Variants in MCPH1 observed in about 807,000 individuals in gnomAD.
The protein encoded by MCPH1 is microcephalin 1.
In MCPH1, 104 loss-of-function variants were observed where a neutral mutation model predicts 84.5. The ratio of observed to expected loss-of-function variants is 1.23; its 90% CI spans 1.05 to 1.45. The LOEUF (loss-of-function observed/expected upper bound fraction) is 1.45, where lower values mean the gene tolerates loss of function less well. Ranked by LOEUF, MCPH1 falls within the 40% of genes most tolerant of loss-of-function variation. The pLI is 0.00. For missense variants in MCPH1, 1,498 were observed against 1,005.7 expected, an observed-to-expected ratio of 1.49 and a Z score of -6.62; for synonymous variants, 514 against 366.8, an observed-to-expected ratio of 1.40 and a Z score of -4.58.
At chr8:6,494,163 T>C (rs1023302026) in intron 11 of MCPH1, 5 of 152,070 alleles carry the variant, frequency 3.3e-5, no homozygotes, top group Non-Finnish European at 7.4e-5. Flanking sequence ...GGTCTCAAAC[T>C]CCTGACCTCA....
intron 12 of MCPH1, among the ~76,000 whole-genome samples, chr8:6,578,120 G>T (rs551268934): frequency 1.3e-5 from 2 of 152,328 alleles, no homozygotes; most frequent in Admixed American, 6.5e-5. Context: ...CACTGGCATT[G>T]TTTCCCAGAC....
intron 12 of MCPH1, among the ~76,000 whole-genome samples, chr8:6,595,277 A>G (rs1042735961): frequency 3.3e-5 from 5 of 152,176 alleles, no homozygotes; most frequent in Admixed American, 2.0e-4. Flanking sequence ...ACACACAGGA[A>G]TGAGTGAATG....
intron 12 of MCPH1, among the ~76,000 whole-genome samples, chr8:6,520,937 C>T (rs760008507): frequency 1.3e-5 from 2 of 152,170 alleles, no homozygotes; most frequent in Non-Finnish European, 2.9e-5. Context: ...AATGATGGAA[C>T]TAACTAAAAG....
At chr8:6,635,543 C>T (rs1354654678) in intron 13 of MCPH1, 4 of 152,040 alleles carry the variant, frequency 2.6e-5, no homozygotes, top group East Asian at 3.9e-4. Flanking sequence ...TGCAGTGAGC[C>T]GTGATCATGC....
intron 12 of MCPH1, chr8:6,502,865 A>T: frequency 2.0e-6 from 1 of 499,712 alleles, no homozygotes; most frequent in Admixed American, 3.6e-5. Context: ...ATCTTTGCAT[A>T]GGTGTTCTGT....
At chr8:6,507,288 A>T (rs937677012) in intron 12 of MCPH1, among the ~76,000 whole-genome samples, 16 of 152,236 alleles carry the variant, frequency 1.1e-4, no homozygotes, top group African/African-American at 3.9e-4. Context: ...CATGTTGACC[A>T]TAGCTGTTAC....
intron 9 of MCPH1, among the ~76,000 whole-genome samples, chr8:6,470,073 G>T (rs542161008): frequency 2.6e-5 from 4 of 152,016 alleles, no homozygotes; most frequent in Non-Finnish European, 4.4e-5. Context: ...AACAGAAAAG[G>T]GTTGTTTTTC....
intron 5 of MCPH1, among the ~76,000 whole-genome samples, chr8:6,437,253 A>G (rs1802787840): frequency 6.6e-6 from 1 of 151,862 alleles, no homozygotes; most frequent in South Asian, 2.1e-4. Flanking sequence ...TTTTTTTGAG[A>G]TGGAGTCTTT....
At chr8:6,408,594 A>G (rs995480899) in intron 1 of MCPH1, among the ~76,000 whole-genome samples, 2 of 152,080 alleles carry the variant, frequency 1.3e-5, no homozygotes, top group Non-Finnish European at 2.9e-5. Flanking sequence ...CTGGAGTGCA[A>G]TGGTGCGATC....
chr8:6,590,528 C>G (rs2442579), intron 12 of MCPH1, among the ~76,000 whole-genome samples: 1 of 152,074 alleles, frequency 6.6e-6, no homozygotes, highest in Non-Finnish European at 1.5e-5. Context: ...CTGCTGCTAT[C>G]TGGGTTCTGG....
At chr8:6,577,931 G>A (rs1041869562) in intron 12 of MCPH1, among the ~76,000 whole-genome samples, 10 of 152,190 alleles carry the variant, frequency 6.6e-5, no homozygotes, top group Non-Finnish European at 4.4e-5. Context: ...AAACCCTTCC[G>A]AGATGGAGTG....
chr8:6,446,496 AATT>A, intron 8 of MCPH1: 3 of 984,642 alleles, frequency 3.0e-6, no homozygotes, highest in Non-Finnish European at 3.6e-6. Flanking sequence ...GAATGAAAAT[AATT>A]TTATGTTTTT....
Position 6,473,445 on chromosome 8 carries a change from C to A in MCPH1, c.1936-4149C>A, listed in dbSNP as rs146401039. 5.5e-3 allele frequency among the ~76,000 whole-genome samples: 823 copies of A among 150,738 alleles called. 2 individuals carry two copies. The highest frequency in any genetic ancestry group is 0.01 in the Middle Eastern group (3 of 286). ...TCCCCAGGTTCACGCCATTCTCCTGCCTCGGCCTCCCAAGTAGCTGGGACT... is the reference window on the plus strand; with the variant it reads ...TCCCCAGGTTCACGCCATTCTCCTGACTCGGCCTCCCAAGTAGCTGGGACT... On this transcript the variant is annotated intron_variant, in intron 9 of 13. Coordinates refer to ENST00000344683, the MANE Select transcript of MCPH1 (RefSeq NM_024596.5).
chr8:6,579,334 A>G (rs965638756), intron 12 of MCPH1, among the ~76,000 whole-genome samples: 10 of 152,238 alleles, frequency 6.6e-5, no homozygotes, highest in African/African-American at 2.4e-4. Context: ...TCAAAGAAAG[A>G]TTGCTTTAGT....
intron 5 of MCPH1, among the ~76,000 whole-genome samples, chr8:6,437,889 C>G (rs777930347): frequency 6.6e-6 from 1 of 152,228 alleles, no homozygotes; most frequent in African/African-American, 2.4e-5. Flanking sequence ...CCACTCCTTA[C>G]GCTGCCCTCC....
intron 9 of MCPH1, among the ~76,000 whole-genome samples, chr8:6,467,813 G>C (rs1259388930): frequency 1.3e-5 from 2 of 152,090 alleles, no homozygotes; most frequent in African/African-American, 4.8e-5. Flanking sequence ...GACCAGGCTG[G>C]TCTTGAACTC....
intron 12 of MCPH1, among the ~76,000 whole-genome samples, chr8:6,527,380 G>A (rs1818526927): frequency 6.6e-6 from 1 of 152,236 alleles, no homozygotes; most frequent in African/African-American, 2.4e-5. Context: ...TAGGAGAGCT[G>A]TGCCTGTGCA....
chr8:6,637,379 C>G (rs759070510), intron 13 of MCPH1, among the ~76,000 whole-genome samples: 25 of 152,150 alleles, frequency 1.6e-4, no homozygotes, highest in South Asian at 1.2e-3. Flanking sequence ...AGGATGGACT[C>G]TTGTAGGTCT....
chr8:6,546,802 T>G (rs537004979), intron 12 of MCPH1, among the ~76,000 whole-genome samples: 3 of 152,324 alleles, frequency 2.0e-5, no homozygotes, highest in African/African-American at 7.2e-5. Context: ...AAGTATTGCC[T>G]TTAATTGTAA....
Sources: allele counts gnomAD v4.1 joint callset (sites outside exome capture counted in the v4.1 genomes callset), GRCh38; gene constraint gnomAD v4.1.1; transcripts MANE v1.5; gene names NCBI Gene and HGNC (gene_info 2026-07-23, HGNC 2026-07-21).